PFKFB3: variants seen among roughly 807,000 people sequenced by gnomAD.
The protein encoded by PFKFB3 is 6-phosphofructo-2-kinase/fructose-2,6-biphosphatase 3, also known as 6-phosphofructo-2-kinase/fructose-2,6-bisphosphatase 3.
In PFKFB3, 33 loss-of-function variants were observed where a neutral mutation model predicts 68.0. The observed-to-expected ratio is 0.49, with a 90% CI of 0.37 to 0.65. The LOEUF is 0.65. PFKFB3 is among the 30% of genes least tolerant of loss of function. The pLI is 0.00. For missense variants in PFKFB3, 586 were observed against 712.2 expected (o/e 0.82, Z 2.02); for synonymous variants, 315 against 288.2 (o/e 1.09, Z -0.94).
Position 6,228,391 on chromosome 10 carries a change from T to C in PFKFB3, c.1515+2026T>C, listed in dbSNP as rs1845498515. On this transcript the variant is annotated intron_variant, in intron 14 of 14. Coordinates refer to ENST00000379775, the MANE Select transcript of PFKFB3 (RefSeq NM_004566.4). The surrounding 1 kb of genome is among the most constrained non-coding windows in gnomAD (Gnocchi z 4.5). ...AGGGAGGAGAGATTCCTGAATGTTTTTGGAAAAGCGTGCAGGCGGTCATGG... is the reference window on the plus strand; with the variant it reads ...AGGGAGGAGAGATTCCTGAATGTTTCTGGAAAAGCGTGCAGGCGGTCATGG... 2 of 740,192 alleles carry C rather than the reference T, an allele frequency of 2.7e-6. No homozygotes were observed. Among genetic ancestry groups the C allele is most frequent in the Non-Finnish European group, 4.7e-6 (2 of 426,964 alleles). The allele number at this position is 740,192 out of a possible 1,614,324, so 45.9% of individuals were successfully genotyped here.
the PFKFB3 span, among the ~76,000 whole-genome samples, chr10:6,268,555 G>T: frequency 6.6e-6 from 1 of 152,052 alleles, no homozygotes; most frequent in East Asian, 1.9e-4. Flanking sequence ...AACGCAGGAG[G>T]TGGAGGTTGC....
rs34836891 is a variant in PFKFB3, at chr10:6,221,049, CTGTG to C, written c.831+196_831+199del. 1.6e-3 allele frequency among the ~76,000 whole-genome samples: 240 copies of C among 151,494 alleles called. 1 individual carries two copies. Among genetic ancestry groups the C allele is most frequent in the African/African-American group, 5.5e-3 (229 of 41,322 alleles). On this transcript the variant is annotated intron_variant, in intron 8 of 14. Coordinates refer to ENST00000379775, the MANE Select transcript of PFKFB3 (RefSeq NM_004566.4). ...TATCTGTGTGCATCTCTGTATGGCT[CTGTG>C]TGTGTGTGTGTCTACGCCTATCCAT...
intron 1 of PFKFB3, among the ~76,000 whole-genome samples, chr10:6,155,205 C>CTTTTTTTTTT (rs55673645): frequency 1.5e-5 from 2 of 132,388 alleles, no homozygotes; most frequent in African/African-American, 2.8e-5. Context: ...GAGTTTTTTT[C>CTTTTTTTTTT]TTTTTTTTTT....
rs377330736 is a variant in PFKFB3 at position 6,219,610 on chromosome 10, G to A, written c.540G>A (p.Ser180=). ...GCCCGGATTACAAAGACTGCAACTC[G>A]GCAGAAGCCATGGACGACTTCATGA... ...ISSPDYKDCN[S]AEAMDDFMKR... Residue 180 remains serine (S), a synonymous_variant, in exon 7 of 15, where the codon TCG becomes TCA. Transcript: ENST00000379775. 30 of 1,613,778 alleles carry A rather than the reference G, an allele frequency of 1.9e-5. No homozygotes were observed. The highest frequency in any genetic ancestry group is 4.5e-5 in the East Asian group (2 of 44,890).
downstream of PFKFB3, among the ~76,000 whole-genome samples, chr10:6,256,723 A>G (rs1846499419): frequency 6.6e-6 from 1 of 152,240 alleles, no homozygotes; most frequent in Admixed American, 6.5e-5. Context: ...CTATTCAGTA[A>G]GTAGAAACCT....
chr10:6,306,503 CG>C, the PFKFB3 span, among the ~76,000 whole-genome samples: 1 of 152,042 alleles, frequency 6.6e-6, no homozygotes, highest in African/African-American at 2.4e-5. Flanking sequence ...GGTGGATGGC[CG>C]TGGGCTCAGA....
upstream of PFKFB3, among the ~76,000 whole-genome samples, chr10:6,201,180 T>C (rs933100531): frequency 5.9e-5 from 9 of 152,012 alleles, no homozygotes; most frequent in African/African-American, 2.2e-4. This position sits in a 1 kb window ranked among gnomAD's most constrained non-coding sequence, Gnocchi z 4.1. Context: ...CGGGAACTCG[T>C]CCCGGTGGCG....
At chr10:6,239,682 A>AT (rs939895150), downstream of PFKFB3, among the ~76,000 whole-genome samples, 31 of 151,450 alleles carry the variant, frequency 2.0e-4, no homozygotes, top group Non-Finnish European at 3.4e-4. Flanking sequence ...ACTTTCTAAT[A>AT]TTTTTTTTTG....
At chr10:6,293,542 C>T in the PFKFB3 span, 1 of 195,750 alleles carries the variant, frequency 5.1e-6, no homozygotes, top group Non-Finnish European at 1.0e-5. Flanking sequence ...GATGGGGTTT[C>T]ACCACATTGG....
At chr10:6,278,876 G>C in the PFKFB3 span, among the ~76,000 whole-genome samples, 1 of 152,170 alleles carries the variant, frequency 6.6e-6, no homozygotes, top group Non-Finnish European at 1.5e-5. Flanking sequence ...GACTTAGACA[G>C]ACTCGAATGC....
intron 1 of PFKFB3, among the ~76,000 whole-genome samples, chr10:6,165,757 A>G (rs1842114973): frequency 6.6e-6 from 1 of 151,884 alleles, no homozygotes; most frequent in African/African-American, 2.4e-5. Flanking sequence ...TTTGTTGTAG[A>G]TTATTTCATC....
In PFKFB3 at chr10:6,181,815, AAAAAGAC is replaced by A. The variant is rs1218733620; in HGVS notation, c.17-31804_17-31798del. ...TCCGTTTAAAAAAAAAAAAAAAAAAAAAAAGACAAATACTGCATGATTCCACTCATAT... is the reference window on the plus strand; with the variant it reads ...TCCGTTTAAAAAAAAAAAAAAAAAAAAAATACTGCATGATTCCACTCATAT... On this transcript the variant is annotated intron_variant, in intron 1 of 14. Transcript: ENST00000379789. Among the ~76,000 whole-genome samples, 48 of 151,274 alleles carry A rather than the reference AAAAAGAC, an allele frequency of 3.2e-4. No homozygotes were observed. The East Asian group carries it at 9.4e-3, about 30-fold the overall frequency.
downstream of PFKFB3, among the ~76,000 whole-genome samples, chr10:6,258,901 G>T (rs938054281): frequency 6.6e-6 from 1 of 152,142 alleles, no homozygotes; most frequent in Admixed American, 6.5e-5. Context: ...TGCAAAAATG[G>T]CCACCAACTT....
chr10:6,277,554 C>G, the PFKFB3 span: 10 of 167,066 alleles, frequency 6.0e-5, no homozygotes, highest in South Asian at 1.1e-3. Context: ...ACATCATTTC[C>G]CTTGTGCTGT....
Position 6,245,342 on chromosome 10 carries a change from G to A in PFKFB3, c.1516-8836G>A, listed in dbSNP as rs373643041. Among the ~76,000 whole-genome samples the A allele has an allele frequency of 1.7e-4, 26 of 151,894 alleles. No homozygotes were observed. The South Asian group carries it at 4.2e-3, about 24-fold the overall frequency. On this transcript the variant is annotated intron_variant, in intron 14 of 14. Coordinates refer to the PFKFB3 transcript ENST00000640683. ...GAACTCCTGACCTTGTGATCTGCCC[G>A]CCTTGGCCTCCCAAAGTGCTAGGAT... is the stretch of plus-strand genomic sequence containing the variant.
chr10:6,202,874 C>T (rs1488722583), upstream of PFKFB3: 86 of 1,054,852 alleles, frequency 8.2e-5, no homozygotes, highest in Non-Finnish European at 9.6e-5. Flanking sequence ...CCGAGGCTGA[C>T]GTACGCGTCT....
At chr10:6,246,593 C>T (rs777523559) in intron 14 of PFKFB3, among the ~76,000 whole-genome samples, 4 of 152,008 alleles carry the variant, frequency 2.6e-5, no homozygotes, top group South Asian at 2.1e-4. Flanking sequence ...CCGCCCGCGT[C>T]GGCCTCCCAA....
intron 11 of PFKFB3, 22 bp from the exon 12 acceptor site, chr10:6,223,936 G>A (rs765158190): frequency 6.2e-7 from 1 of 1,608,478 alleles, no homozygotes; most frequent in Non-Finnish European, 8.5e-7. Flanking sequence ...TTCTAACTGT[G>A]GGTGTACAAT....
At chr10:6,179,452 C>T (rs1292905289) in intron 1 of PFKFB3, among the ~76,000 whole-genome samples, 1 of 152,204 alleles carries the variant, frequency 6.6e-6, no homozygotes, top group Non-Finnish European at 1.5e-5. Flanking sequence ...TGCTGGACAA[C>T]CCCCAGCTGC....
Sources: gnomAD v4.1 joint callset for allele counts (sites outside exome capture counted in the v4.1 genomes callset) on GRCh38, gnomAD v4.1.1 for gene constraint, Gnocchi (gnomAD v3.1) non-coding constraint, MANE v1.5 for transcripts, NCBI Gene and HGNC (gene_info 2026-07-23, HGNC 2026-07-21) for gene names.